METTL15: variants seen among roughly 807,000 people sequenced by gnomAD.
METTL15 encodes the protein methyltransferase 15, mitochondrial 12S rRNA N4-cytidine.
A neutral mutation model predicts 38.3 loss-of-function variants in METTL15; 34 were observed. The observed-to-expected ratio is 0.89, with a 90% CI of 0.68 to 1.18. The LOEUF (loss-of-function observed/expected upper bound fraction) is 1.18. Ranked by LOEUF, METTL15 falls within the 50% of genes most tolerant of loss-of-function variation. METTL15 has a pLI of 0.00. For synonymous variants in METTL15, 162 were observed against 170.9 expected (o/e 0.95, Z 0.41); for missense variants, 438 against 498.4 (o/e 0.88, Z 1.15).
intron 6 of METTL15, among the ~76,000 whole-genome samples, chr11:28,430,819 T>C (rs1419174275): frequency 2.9e-5 from 2 of 68,384 alleles, no homozygotes; most frequent in Non-Finnish European, 3.4e-5. Context: ...GGAGCCCCTC[T>C]GCCCGGCCAG....
intron 3 of METTL15, chr11:28,351,981 A>T (rs1000425432): frequency 1.3e-5 from 2 of 152,200 alleles, no homozygotes; most frequent in African/African-American, 4.8e-5. Context: ...GAAAACTGGC[A>T]CTGTAGAAAA....
intron 6 of METTL15, among the ~76,000 whole-genome samples, chr11:28,511,886 A>T (rs911293777): frequency 6.6e-6 from 1 of 152,176 alleles, no homozygotes; most frequent in African/African-American, 2.4e-5. Flanking sequence ...CCCCACCCAC[A>T]TCCTGCTGAT....
At chr11:28,344,749 A>G (rs1189066897) in intron 3 of METTL15, among the ~76,000 whole-genome samples, 1 of 152,212 alleles carries the variant, frequency 6.6e-6, no homozygotes, top group African/African-American at 2.4e-5. Context: ...AAAGAATGGA[A>G]GAGATTAAGT....
chr11:28,512,799 A>C (rs1304798175), intron 6 of METTL15, among the ~76,000 whole-genome samples: 1 of 152,224 alleles, frequency 6.6e-6, no homozygotes, highest in Admixed American at 6.5e-5. Context: ...TGGTGGGCTG[A>C]AGGGCTCTTC....
At chr11:28,154,374 T>C (rs1850193548) in intron 3 of METTL15, among the ~76,000 whole-genome samples, 1 of 152,126 alleles carries the variant, frequency 6.6e-6, no homozygotes, top group Non-Finnish European at 1.5e-5. Context: ...TTGTAGTTTC[T>C]TCCTTGCCAT....
intron 3 of METTL15, among the ~76,000 whole-genome samples, chr11:28,209,291 A>G (rs1852518947): frequency 6.6e-6 from 1 of 151,952 alleles, no homozygotes; most frequent in South Asian, 2.1e-4. Flanking sequence ...CATGACAAGG[A>G]AGTAGTTTAT....
intron 3 of METTL15, among the ~76,000 whole-genome samples, chr11:28,188,145 T>C (rs957670744): frequency 1.3e-5 from 2 of 151,280 alleles, no homozygotes; most frequent in Admixed American, 1.3e-4. Context: ...CAAAATTTTA[T>C]CCAATTAGCT....
At chr11:28,358,420 C>A (rs148423780) in intron 4 of METTL15, among the ~76,000 whole-genome samples, 1 of 152,164 alleles carries the variant, frequency 6.6e-6, no homozygotes, top group Non-Finnish European at 1.5e-5. Context: ...AAATACACCA[C>A]GTTTGTAACT....
chr11:28,237,390 G>A (rs1342538810), intron 4 of METTL15, among the ~76,000 whole-genome samples: 1 of 151,766 alleles, frequency 6.6e-6, no homozygotes, highest in Non-Finnish European at 1.5e-5. Context: ...CCAATTGATC[G>A]CATTGGCTCT....
chr11:28,121,933 C>G (rs1852257240), intron 3 of METTL15, among the ~76,000 whole-genome samples: 2 of 151,942 alleles, frequency 1.3e-5, no homozygotes, highest in African/African-American at 4.8e-5. Flanking sequence ...ATTTTGCATG[C>G]TGTTGTTAAG....
intron 4 of METTL15, among the ~76,000 whole-genome samples, chr11:28,252,391 A>G (rs981009936): frequency 1.3e-5 from 2 of 152,104 alleles, no homozygotes; most frequent in African/African-American, 4.8e-5. Flanking sequence ...GACTTTCTTT[A>G]AATCTGTAAC....
At chr11:28,200,202 A>G (rs1852058085) in intron 3 of METTL15, among the ~76,000 whole-genome samples, 2 of 152,140 alleles carry the variant, frequency 1.3e-5, no homozygotes, top group Non-Finnish European at 2.9e-5. Flanking sequence ...TGGGCAGGAG[A>G]CAGAATTGTT....
At chr11:28,156,272 C>G (rs1850260511) in intron 3 of METTL15, among the ~76,000 whole-genome samples, 1 of 152,098 alleles carries the variant, frequency 6.6e-6, no homozygotes, top group African/African-American at 2.4e-5. Flanking sequence ...CCTGAAATCC[C>G]TATTAAGTCA....
intron 6 of METTL15, among the ~76,000 whole-genome samples, chr11:28,320,584 G>T (rs1028079442): frequency 6.6e-6 from 1 of 151,924 alleles, no homozygotes; most frequent in African/African-American, 2.4e-5. Context: ...AAATACCTGT[G>T]CAGAAAGGTG....
intron 4 of METTL15, among the ~76,000 whole-genome samples, chr11:28,218,539 A>C (rs955495063): frequency 1.3e-5 from 2 of 152,112 alleles, no homozygotes; most frequent in Admixed American, 1.3e-4. Context: ...TCCTAATTGA[A>C]TACCCTTTAT....
intron 5 of METTL15, among the ~76,000 whole-genome samples, chr11:28,418,271 G>C (rs762447291): frequency 6.6e-6 from 1 of 152,138 alleles, no homozygotes; most frequent in Non-Finnish European, 1.5e-5. Flanking sequence ...GACTCCAACT[G>C]TTACCTCCAG....
intron 5 of METTL15, among the ~76,000 whole-genome samples, chr11:28,411,593 G>C (rs1197290487): frequency 6.6e-6 from 1 of 151,828 alleles, no homozygotes; most frequent in Non-Finnish European, 1.5e-5. Flanking sequence ...AAAATGGATG[G>C]ATAAAAGACC....
intron 4 of METTL15, among the ~76,000 whole-genome samples, chr11:28,240,389 A>G (rs1439021898): frequency 6.6e-6 from 1 of 152,222 alleles, no homozygotes; most frequent in Non-Finnish European, 1.5e-5. Context: ...GGATTAGACT[A>G]TGAAACTATA....
intron 3 of METTL15, among the ~76,000 whole-genome samples, chr11:28,183,139 A>T (rs533892708): frequency 6.6e-6 from 1 of 152,112 alleles, no homozygotes; most frequent in Non-Finnish European, 1.5e-5. Context: ...GTTGCTTATC[A>T]GTTTAAGGAG....
Sources: gnomAD v4.1 joint callset for allele counts (sites outside exome capture counted in the v4.1 genomes callset) on GRCh38, gnomAD v4.1.1 for gene constraint, MANE v1.5 for transcripts, NCBI Gene and HGNC (gene_info 2026-07-23, HGNC 2026-07-21) for gene names.